The following BTBD8 variants were observed in gnomAD, a reference collection of about 807,000 sequenced individuals.
BTBD8 encodes the protein BTB domain containing 8.
In BTBD8, 110 loss-of-function variants were observed where a neutral mutation model predicts 162.9. The observed-to-expected ratio is 0.68, with a 90% CI of 0.58 to 0.79. The LOEUF is 0.79. Ranked by LOEUF, BTBD8 falls within the 30% of genes least tolerant of loss-of-function variation. BTBD8 has a pLI of 0.00. For missense variants in BTBD8, 1,905 were observed against 2,085.4 expected (o/e 0.91, Z 1.68); for synonymous variants, 667 against 716.1 (o/e 0.93, Z 1.10).
chr1:92,119,090 T>A (rs748593871), intron 4 of BTBD8, among the ~76,000 whole-genome samples: 1 of 151,794 alleles, frequency 6.6e-6, no homozygotes, highest in Non-Finnish European at 1.5e-5. Flanking sequence ...TTCATTACTG[T>A]ACACTACTGT....
rs780469162 is a variant in BTBD8, at chr1:92,180,527, A to G, written c.2844A>G (p.Ser948=). ...KQKMPPGQVI[S]KTQPSSQRPL... Reference sequence around the variant, plus strand: ...AAATGCCTCCTGGACAGGTTATATCAAAAACTCAGCCTTCCTCCCAAAGAC... The same window carrying G: ...AAATGCCTCCTGGACAGGTTATATCGAAAACTCAGCCTTCCTCCCAAAGAC... Residue 948 remains serine (S), a synonymous_variant, in exon 17 of 18, where the codon TCA becomes TCG. Transcript: ENST00000636805. 54 of 1,551,484 alleles carry G rather than the reference A, an allele frequency of 3.5e-5. No individual in the cohort carries two copies. Among genetic ancestry groups the G allele is most frequent in the Non-Finnish European group, 4.3e-5 (49 of 1,146,940 alleles).
intron 1 of BTBD8, among the ~76,000 whole-genome samples, chr1:92,084,839 T>C (rs910314140): frequency 8.5e-5 from 13 of 152,192 alleles, no homozygotes; most frequent in African/African-American, 3.1e-4. Flanking sequence ...TTGCCTCTTA[T>C]TCATCTTTAT....
intron 7 of BTBD8, among the ~76,000 whole-genome samples, chr1:92,146,829 A>G (rs148686991): frequency 4.1e-4 from 62 of 152,222 alleles, no homozygotes; most frequent in African/African-American, 1.4e-3. Flanking sequence ...GCACGGATGT[A>G]CTACAGTTTA....
chr1:92,109,611 A>C (rs536671544), intron 4 of BTBD8, among the ~76,000 whole-genome samples: 33 of 152,218 alleles, frequency 2.2e-4, no homozygotes, highest in Non-Finnish European at 4.7e-4. Context: ...AAGTTTTCCT[A>C]CTTTTTTCTT....
At chr1:92,165,305 G>A (rs1393293594) in intron 9 of BTBD8, among the ~76,000 whole-genome samples, 1 of 152,066 alleles carries the variant, frequency 6.6e-6, no homozygotes, top group Non-Finnish European at 1.5e-5. Context: ...ATACATTGGT[G>A]AGCTAAAACA....
At position 92,161,662 on chromosome 1, in the gene BTBD8, G is replaced by A. The variant is rs555339873; in HGVS notation, c.1123-5296G>A. Among the ~76,000 whole-genome samples the A allele has an allele frequency of 4.6e-5, 7 of 152,288 alleles. No homozygotes were observed. The South Asian group carries it at 1.4e-3, about 32-fold the overall frequency. ...GAGAAGTGGACGTGAGAACTACCAT[G>A]TCAGACCATTTTCTACCTTTCAGAA... On this transcript the variant is annotated intron_variant, in intron 9 of 17. Coordinates refer to ENST00000636805, the MANE Select transcript of BTBD8 (RefSeq NM_001376131.1).
At chr1:92,143,129 G>A (rs955780019) in intron 7 of BTBD8, among the ~76,000 whole-genome samples, 1 of 152,250 alleles carries the variant, frequency 6.6e-6, no homozygotes, top group African/African-American at 2.4e-5. Context: ...TTTCATTAAG[G>A]GATGGGAAAA....
intron 17 of BTBD8, 49 bp downstream of exon 17, chr1:92,182,644 A>G (rs1650950092): frequency 1.4e-5 from 17 of 1,234,098 alleles, no homozygotes; most frequent in Non-Finnish European, 1.7e-5. Flanking sequence ...ATAAGTTTAT[A>G]AAATTTTAAA....
chr1:92,147,644 A>G (rs190966097), intron 8 of BTBD8, 40 bp from the exon 9 acceptor site: 11 of 1,508,552 alleles, frequency 7.3e-6, no homozygotes, highest in Non-Finnish European at 1.0e-5. Context: ...AATGAAAAAC[A>G]TCTTAATTTC....
chr1:92,180,761 A>G lies in BTBD8; in HGVS notation c.3078A>G (p.Leu1026=). 2 of 1,551,788 alleles carry G rather than the reference A, an allele frequency of 1.3e-6. No homozygotes were observed. The highest frequency in any genetic ancestry group is 1.7e-6 in the Non-Finnish European group (2 of 1,147,012). Residue 1026 remains leucine, a synonymous_variant, in exon 17 of 18, where the codon TTA becomes TTG. Transcript: ENST00000636805. ...ATCAAGAAAAAGAGAAGTTGGCGTT[A>G]GAATGCCAAAATATTTCAAAGCTGG... ...LNDQEKEKLA[L]ECQNISKLDK... is the part of the protein sequence containing the mutation.
At chr1:92,168,700 T>G (rs538069691) in intron 11 of BTBD8, among the ~76,000 whole-genome samples, 166 bp from the exon 12 acceptor site, 7 of 152,320 alleles carry the variant, frequency 4.6e-5, no homozygotes, top group Middle Eastern at 3.4e-3. Context: ...TTATAAAATT[T>G]TGTTATTAAT....
Position 92,182,468 on chromosome 1 carries a change from T to G in BTBD8, c.4785T>G (p.Ser1595=). The G allele has an allele frequency of 6.4e-7, 1 of 1,551,650 alleles. No individual in the cohort carries two copies. Among genetic ancestry groups the G allele is most frequent in the Non-Finnish European group, 8.7e-7 (1 of 1,146,888 alleles). ...HLDLHQREPN[S]DIPKNSSTKS... ...ATCTTCATCAAAGAGAACCCAATTC[T>G]GACATACCAAAGAACAGCTCTACAA... The change falls in exon 17 of 18, where the codon TCT becomes TCG. Residue 1595 remains serine (S), a synonymous_variant. Transcript: ENST00000636805.
Position 92,182,500 on chromosome 1 carries a change from T to C in BTBD8, c.4817T>C (p.Leu1606Pro). 6.5e-7 allele frequency: 1 copy of C among 1,537,168 alleles called. No individual in the cohort carries two copies. Among genetic ancestry groups the C allele is most frequent in the Non-Finnish European group, 8.8e-7 (1 of 1,134,314 alleles). Residue 1606 changes from leucine (L) to proline (P), a missense_variant, in exon 17 of 18, where the codon CTA becomes CCA. Physicochemically the swap from Leu to Pro is moderately conservative, Grantham distance 98. Around this residue, in one of 3 missense-constraint regions of BTBD8, gnomAD observed 517 missense variants for 606.6 expected, o/e 0.85. Coordinates refer to ENST00000636805, the MANE Select transcript of BTBD8 (RefSeq NM_001376131.1). Reference protein sequence around the residue: ...DIPKNSSTKSLDSFRSQVLPQ... With the variant: ...DIPKNSSTKSPDSFRSQVLPQ... The stretch of plus-strand genomic sequence containing the variant: ...CCAAAGAACAGCTCTACAAAATCTC[T>C]AGACTCCTTTCGGAGTCAAGTTCTG...
chr1:92,140,061 G>C (rs1188144736), intron 6 of BTBD8: 10 of 138,986 alleles, frequency 7.2e-5, no homozygotes. Context: ...AGTGAGCCAA[G>C]ATCATGCCAC....
In BTBD8 at chr1:92,149,157, T is replaced by C. The variant is rs115549637; in HGVS notation, c.1122+1371T>C. On this transcript the variant is annotated intron_variant, in intron 9 of 17. Transcript: ENST00000636805. ...AGTGAACACTGCAGTAGTTCTGATA[T>C]AAACGTTCATATTCCTTCTTAATAT... 2.2e-3 allele frequency among the ~76,000 whole-genome samples: 331 copies of C among 152,352 alleles called. 4 individuals are homozygous for C. The highest frequency in any genetic ancestry group is 6.8e-3 in the Middle Eastern group (2 of 294).
intron 4 of BTBD8, among the ~76,000 whole-genome samples, chr1:92,119,430 T>C (rs1649133220): frequency 6.7e-6 from 1 of 149,322 alleles, no homozygotes; most frequent in South Asian, 2.1e-4. Flanking sequence ...GGACCACAGG[T>C]GCACGCCACC....
In BTBD8 at chr1:92,088,726, G is replaced by C; in HGVS notation, c.178G>C (p.Val60Leu). ...TCTAAGGGAAGAATTCCATACAGAT[G>C]TTACCTTCTCTGTGGGTTGTACTTT... ...RLLREEFHTD[V>L]TFSVGCTLFK... The change falls in exon 2 of 18, where the codon GTT becomes CTT. Residue 60 changes from valine to leucine, a missense_variant. Coordinates refer to ENST00000636805, the MANE Select transcript of BTBD8 (RefSeq NM_001376131.1). 6.2e-7 allele frequency: 1 copy of C among 1,610,336 alleles called. No individual in the cohort carries two copies. The highest frequency in any genetic ancestry group is 8.5e-7 in the Non-Finnish European group (1 of 1,178,032).
Position 92,080,439 on chromosome 1 carries a change from C to A in BTBD8, c.-133C>A, listed in dbSNP as rs754095546. On this transcript the variant is annotated 5_prime_UTR_variant, in exon 1 of 18. Transcript: ENST00000636805. ...AGACTGTCTACAAACCGACGAGAGG[C>A]GTCAACCTTTTACCCTAGGGGGCGG... 7.7e-7 allele frequency: 1 copy of A among 1,304,744 alleles called. No homozygotes were observed. Among genetic ancestry groups the A allele is most frequent in the East Asian group, 2.6e-5 (1 of 38,068 alleles). 80.8% of individuals were successfully genotyped at this position (1,304,744 alleles called of 1,614,324 possible). A position where few individuals can be genotyped will look rare whatever the true frequency, so the allele number is the denominator to read the frequency against.
chr1:92,121,836 T>A (rs1649220330), intron 4 of BTBD8, among the ~76,000 whole-genome samples: 1 of 151,072 alleles, frequency 6.6e-6, no homozygotes, highest in Admixed American at 6.6e-5. Flanking sequence ...CCCATTTATT[T>A]TTTTATTTTT....
Sources: gnomAD v4.1 joint callset for allele counts (sites outside exome capture counted in the v4.1 genomes callset) on GRCh38, gnomAD v4.1.1 for gene constraint, gnomAD v4.1.1 regional missense constraint, MANE v1.5 for transcripts, NCBI Gene and HGNC (gene_info 2026-07-23, HGNC 2026-07-21) for gene names.